The following MYO1D variants were observed in gnomAD, a reference collection of about 807,000 sequenced individuals.
MYO1D encodes the protein unconventional myosin-Id.
Under a neutral mutation model 122.0 loss-of-function variants are expected in MYO1D, and 83 were observed. The observed-to-expected ratio is 0.68, with a 90% confidence interval of 0.57 to 0.82. The LOEUF is 0.82. Ranked by LOEUF, MYO1D falls within the 40% of genes least tolerant of loss-of-function variation. The probability of loss-of-function intolerance (pLI) is 0.00; values close to 1 mark genes in which losing one functional copy is unlikely to be tolerated. For missense variants in MYO1D, 1,157 were observed against 1,269.5 expected, an observed-to-expected ratio of 0.91 and a Z score of 1.35; for synonymous variants, 464 against 446.9, an observed-to-expected ratio of 1.04 and a Z score of -0.48.
chr17:32,538,321 C>T (rs1910723093), intron 21 of MYO1D, among the ~76,000 whole-genome samples: 1 of 149,448 alleles, frequency 6.7e-6, no homozygotes, highest in Admixed American at 6.7e-5. Context: ...AGCTCTGTTG[C>T]TCAGGCTGGA....
At chr17:32,761,872 A>G (rs1048665286) in intron 8 of MYO1D, among the ~76,000 whole-genome samples, 28 of 152,124 alleles carry the variant, frequency 1.8e-4, no homozygotes, top group African/African-American at 6.8e-4. Context: ...TATTCAACAA[A>G]TATTTGCTGA....
chr17:32,642,563 G>A (rs2088218239), intron 19 of MYO1D, among the ~76,000 whole-genome samples: 2 of 152,160 alleles, frequency 1.3e-5, no homozygotes, highest in Admixed American at 6.5e-5. Context: ...CTATCCATGA[G>A]CATGGAATGT....
At chr17:32,860,134 C>T (rs1303971232) in intron 1 of MYO1D, among the ~76,000 whole-genome samples, 1 of 152,136 alleles carries the variant, frequency 6.6e-6, no homozygotes, top group Non-Finnish European at 1.5e-5. Flanking sequence ...GTGAGATGCA[C>T]AGAACTGTTG....
chr17:32,508,590 T>G (rs757082522), intron 21 of MYO1D, among the ~76,000 whole-genome samples: 13 of 152,208 alleles, frequency 8.5e-5, no homozygotes, highest in Non-Finnish European at 1.3e-4. Flanking sequence ...TATGGTATCT[T>G]GTTATGGCAG....
intron 21 of MYO1D, among the ~76,000 whole-genome samples, chr17:32,508,465 G>C (rs1037043285): frequency 6.6e-6 from 1 of 151,722 alleles, no homozygotes; most frequent in Non-Finnish European, 1.5e-5. Flanking sequence ...TACTAGAGAC[G>C]GAATTTTGGT....
chr17:32,867,813 A>G (rs2091141088), intron 1 of MYO1D, among the ~76,000 whole-genome samples: 1 of 150,604 alleles, frequency 6.6e-6, no homozygotes, highest in Admixed American at 6.6e-5. Flanking sequence ...AAAAAAAAAA[A>G]AAAAAAAAAA....
At chr17:32,852,138 T>C (rs571289142) in intron 1 of MYO1D, among the ~76,000 whole-genome samples, 12 of 152,174 alleles carry the variant, frequency 7.9e-5, no homozygotes, top group Non-Finnish European at 1.6e-4. Flanking sequence ...ATGTAAAGTT[T>C]TTTTTGTTGT....
At chr17:32,668,577 G>A (rs1346275112) in intron 16 of MYO1D, among the ~76,000 whole-genome samples, 2 of 152,180 alleles carry the variant, frequency 1.3e-5, no homozygotes, top group Non-Finnish European at 2.9e-5. Context: ...GGAACACAGG[G>A]CTTTTGGAAT....
intron 20 of MYO1D, among the ~76,000 whole-genome samples, chr17:32,614,941 A>AC (rs2087752838): frequency 6.6e-6 from 1 of 151,998 alleles, no homozygotes; most frequent in Admixed American, 6.5e-5. Context: ...AGTGATTCCA[A>AC]CTCTCACTCA....
chr17:32,756,656 C>T (rs971547284), intron 10 of MYO1D, among the ~76,000 whole-genome samples: 6 of 150,788 alleles, frequency 4.0e-5, no homozygotes, highest in Non-Finnish European at 8.8e-5. Flanking sequence ...CTTTTGGTTT[C>T]CCCAAAGTTA....
chr17:32,651,603 T>G (rs1409298222), intron 19 of MYO1D, among the ~76,000 whole-genome samples: 3 of 152,150 alleles, frequency 2.0e-5, no homozygotes, highest in African/African-American at 7.2e-5. Context: ...CCTTGCTTGA[T>G]GTCCACTGTC....
intron 1 of MYO1D, among the ~76,000 whole-genome samples, chr17:32,822,498 G>GGC (rs546102321): frequency 0.14 from 21,649 of 149,512 alleles, 1,933 homozygotes; most frequent in Middle Eastern, 0.29. Context: ...GTCCCCGGTC[G>GGC]GCGCGCCGCT....
chr17:32,653,452 T>C (rs1160118387), intron 19 of MYO1D, among the ~76,000 whole-genome samples: 2 of 151,420 alleles, frequency 1.3e-5, no homozygotes, highest in East Asian at 3.9e-4. Flanking sequence ...ACTAAAAATA[T>C]AAAGTTAGCT....
At chr17:32,753,851 T>C (rs896895853) in intron 11 of MYO1D, among the ~76,000 whole-genome samples, 4 of 151,164 alleles carry the variant, frequency 2.6e-5, no homozygotes, top group African/African-American at 7.3e-5. Flanking sequence ...TGAGCCAAGA[T>C]TGCACCATGC....
At chr17:32,693,167 C>T (rs1031502260) in intron 16 of MYO1D, among the ~76,000 whole-genome samples, 19 of 152,142 alleles carry the variant, frequency 1.2e-4, no homozygotes, top group Non-Finnish European at 2.5e-4. Flanking sequence ...AAATCACTTC[C>T]CCTTCATTAA....
intron 7 of MYO1D, among the ~76,000 whole-genome samples, chr17:32,765,344 T>G (rs1395077741): frequency 6.6e-6 from 1 of 152,114 alleles, no homozygotes; most frequent in African/African-American, 2.4e-5. Flanking sequence ...TGCCTTAGGG[T>G]CTCTCTTTCT....
At chr17:32,652,119 A>G (rs2088399552) in intron 19 of MYO1D, among the ~76,000 whole-genome samples, 1 of 152,162 alleles carries the variant, frequency 6.6e-6, no homozygotes, top group Non-Finnish European at 1.5e-5. Context: ...GGGTATTTGT[A>G]CAGATATATT....
chr17:32,561,688 C>CAAAAAAAAAA (rs60531756), intron 21 of MYO1D, among the ~76,000 whole-genome samples: 1 of 71,786 alleles, frequency 1.4e-5, no homozygotes, highest in African/African-American at 5.4e-5. Context: ...GGCTCTGTCT[C>CAAAAAAAAAA]AAAAAAAAAA....
intron 21 of MYO1D, among the ~76,000 whole-genome samples, chr17:32,589,020 C>T (rs1308069821): frequency 6.7e-6 from 1 of 149,848 alleles, no homozygotes; most frequent in Non-Finnish European, 1.5e-5. Context: ...CACCCCACTG[C>T]CCCTGCAAGA....
Sources: gnomAD v4.1 joint callset for allele counts (sites outside exome capture counted in the v4.1 genomes callset) on GRCh38, gnomAD v4.1.1 for gene constraint, MANE v1.5 for transcripts, NCBI Gene and HGNC (gene_info 2026-07-23, HGNC 2026-07-21) for gene names.